KCNN3: variants seen among roughly 807,000 people sequenced by gnomAD.
The protein encoded by KCNN3 is potassium calcium-activated channel subfamily N member 3.
Under a neutral mutation model 62.9 loss-of-function variants are expected in KCNN3, and 16 were observed. That is an observed-to-expected ratio of 0.25 (90% CI 0.17 to 0.39). The LOEUF (loss-of-function observed/expected upper bound fraction) is 0.39, where lower values mean the gene tolerates loss of function less well. Ranked by LOEUF, KCNN3 falls within the 10% of genes least tolerant of loss-of-function variation. The pLI is 1.00. For synonymous variants in KCNN3, 370 were observed against 389.2 expected (o/e 0.95, Z 0.58); for missense variants, 599 against 949.4 (o/e 0.63, Z 4.85).
intron 7 of KCNN3, among the ~76,000 whole-genome samples, chr1:154,709,425 C>T (rs961874658): frequency 2.8e-4 from 43 of 152,162 alleles, no homozygotes; most frequent in African/African-American, 8.4e-4. Flanking sequence ...TCCTATTTCA[C>T]GTGAAATTTC....
Position 154,754,293 on chromosome 1 carries a change from A to G in KCNN3, c.1448+17682T>C, listed in dbSNP as rs116117770. Among the ~76,000 whole-genome samples, 451 of 152,250 alleles carry G rather than the reference A, an allele frequency of 3.0e-3. 2 individuals are homozygous for G. Among genetic ancestry groups the G allele is most frequent in the African/African-American group, 0.01 (436 of 41,532 alleles). Reference sequence around the variant, plus strand: ...TGTGTCAGGGAGGTAGCAGGAAGAGATGACTTCAAGCGACACCGCAGAATA... The same window carrying G: ...TGTGTCAGGGAGGTAGCAGGAAGAGGTGACTTCAAGCGACACCGCAGAATA... On this transcript the variant is annotated intron_variant, in intron 3 of 7. Transcript: ENST00000271915.
intron 3 of KCNN3, among the ~76,000 whole-genome samples, chr1:154,765,363 GTCC>G (rs1266489790): frequency 1.3e-5 from 2 of 152,120 alleles, no homozygotes; most frequent in African/African-American, 4.8e-5. Context: ...CTCCAGTTCT[GTCC>G]TATTCATCCT....
At chr1:154,720,119 G>A (rs530814724) in intron 5 of KCNN3, among the ~76,000 whole-genome samples, 1 of 152,316 alleles carries the variant, frequency 6.6e-6, no homozygotes, top group South Asian at 2.1e-4. Context: ...GAGTTCCAAG[G>A]AACTGACCGC....
intron 5 of KCNN3, among the ~76,000 whole-genome samples, chr1:154,718,439 C>A (rs1700277739): frequency 6.6e-6 from 1 of 152,250 alleles, no homozygotes. Context: ...ACGTGCCAGG[C>A]TTTGTGCTAA....
At chr1:154,771,520 G>A (rs1271879319) in intron 3 of KCNN3, among the ~76,000 whole-genome samples, 1 of 152,080 alleles carries the variant, frequency 6.6e-6, no homozygotes, top group African/African-American at 2.4e-5. Flanking sequence ...GAGTAGCAAG[G>A]TACCAATAGT....
intron 1 of KCNN3, among the ~76,000 whole-genome samples, chr1:154,838,905 A>G (rs1444739286): frequency 2.0e-5 from 3 of 152,182 alleles, no homozygotes. Context: ...TTAAGGAGTG[A>G]ATGAAGCCTG....
rs1055214335 is a variant in KCNN3, at chr1:154,700,934, T to A, written c.*7042A>T. ...ATTGAAAATAAGCCAATTTCCATTATCCGGTGAGTAAGTAACCTGATAAAA... is the reference window on the plus strand; with the variant it reads ...ATTGAAAATAAGCCAATTTCCATTAACCGGTGAGTAAGTAACCTGATAAAA... On this transcript the variant is annotated 3_prime_UTR_variant, in exon 8 of 8. Coordinates refer to ENST00000271915, the MANE Select transcript of KCNN3 (RefSeq NM_002249.6). The A allele has an allele frequency of 1.3e-5, 2 of 152,180 alleles. No homozygotes were observed. The highest frequency in any genetic ancestry group is 4.8e-5 in the African/African-American group (2 of 41,450). 9.4% of individuals were successfully genotyped at this position (152,180 alleles called of 1,614,324 possible).
chr1:154,778,798 C>T (rs763989238), intron 2 of KCNN3, among the ~76,000 whole-genome samples: 165 of 152,032 alleles, frequency 1.1e-3, no homozygotes, highest in Non-Finnish European at 2.0e-3. Context: ...GATGGGGTTT[C>T]ACCATGTTGG....
At chr1:154,761,957 T>TAACA (rs142027976) in intron 3 of KCNN3, among the ~76,000 whole-genome samples, 62 of 151,900 alleles carry the variant, frequency 4.1e-4, no homozygotes, top group African/African-American at 9.4e-4. Context: ...AACAACGAAG[T>TAACA]AACAAACAAA....
chr1:154,833,651 G>A lies in KCNN3; in HGVS notation c.934-11467C>T, dbSNP rs146627986. Among the ~76,000 whole-genome samples, 18 of 152,348 alleles carry A rather than the reference G, an allele frequency of 1.2e-4. 1 individual carries two copies. The East Asian group carries it at 3.3e-3, about 28-fold the overall frequency. On this transcript the variant is annotated intron_variant, in intron 1 of 7. Coordinates refer to ENST00000271915, the MANE Select transcript of KCNN3 (RefSeq NM_002249.6). ...CCACACACCAGTAACAGAAAGGGCT[G>A]ATAATGCCCTAAGCCTTCCAAGGGT...
At chr1:154,739,510 G>A (rs768977604) in intron 3 of KCNN3, among the ~76,000 whole-genome samples, 9 of 151,998 alleles carry the variant, frequency 5.9e-5, no homozygotes, top group East Asian at 1.9e-4. Context: ...TCCTATTTCC[G>A]ACCTTCATAA....
At chr1:154,841,342 A>T (rs1651821051) in intron 1 of KCNN3, among the ~76,000 whole-genome samples, 1 of 152,168 alleles carries the variant, frequency 6.6e-6, no homozygotes, top group Admixed American at 6.5e-5. Context: ...AGTGGTTCCC[A>T]AACTTTGCGG....
intron 2 of KCNN3, among the ~76,000 whole-genome samples, chr1:154,813,080 C>G (rs112757152): frequency 6.6e-6 from 1 of 152,208 alleles, no homozygotes; most frequent in African/African-American, 2.4e-5. Context: ...TGAGCTAGAA[C>G]AAGTAGCTTG....
intron 3 of KCNN3, among the ~76,000 whole-genome samples, chr1:154,748,681 C>T (rs1283781306): frequency 1.3e-5 from 2 of 152,172 alleles, no homozygotes; most frequent in Non-Finnish European, 2.9e-5. Context: ...GAAAATTAGA[C>T]CAGGTGCAGT....
intron 2 of KCNN3, among the ~76,000 whole-genome samples, chr1:154,791,348 A>G (rs2101863041): frequency 6.7e-6 from 1 of 150,306 alleles, no homozygotes; most frequent in African/African-American, 2.5e-5. Flanking sequence ...AGCAAAGACC[A>G]CATCAGGTAC....
intron 1 of KCNN3, among the ~76,000 whole-genome samples, chr1:154,832,866 A>G (rs1007414392): frequency 1.3e-5 from 2 of 152,238 alleles, no homozygotes; most frequent in Non-Finnish European, 2.9e-5. Flanking sequence ...CAAGACGCAC[A>G]ACAGATTCCC....
intron 2 of KCNN3, among the ~76,000 whole-genome samples, chr1:154,784,885 G>A (rs1649211380): frequency 6.6e-6 from 1 of 152,202 alleles, no homozygotes; most frequent in Non-Finnish European, 1.5e-5. Flanking sequence ...TTTACTACAG[G>A]TCATACAGTT....
At chr1:154,799,855 A>T (rs1649886003) in intron 2 of KCNN3, among the ~76,000 whole-genome samples, 1 of 152,188 alleles carries the variant, frequency 6.6e-6, no homozygotes, top group African/African-American at 2.4e-5. Flanking sequence ...GTAGCTGAGC[A>T]TGAAACTGAC....
chr1:154,803,858 C>T (rs1650054037), intron 2 of KCNN3, among the ~76,000 whole-genome samples: 1 of 152,238 alleles, frequency 6.6e-6, no homozygotes, highest in African/African-American at 2.4e-5. Context: ...TCTACAGAGC[C>T]TCACACACCA....
Sources: gnomAD v4.1 joint callset for allele counts (sites outside exome capture counted in the v4.1 genomes callset) on GRCh38, gnomAD v4.1.1 for gene constraint, MANE v1.5 for transcripts, NCBI Gene and HGNC (gene_info 2026-07-23, HGNC 2026-07-21) for gene names.